CHKA: variants seen among roughly 807,000 people sequenced by gnomAD.
CHKA encodes the protein CHETK-alpha.
In CHKA, 34 loss-of-function variants were observed where a neutral mutation model predicts 60.1. That is an observed-to-expected ratio of 0.57 (90% confidence interval 0.43 to 0.75). The LOEUF (loss-of-function observed/expected upper bound fraction) is 0.75, where lower values mean the gene tolerates loss of function less well. CHKA is among the 30% of genes least tolerant of loss of function. The pLI, the probability that CHKA is intolerant of heterozygous loss-of-function variation, is 0.00. For synonymous variants in CHKA, 217 were observed against 223.1 expected, an observed-to-expected ratio of 0.97 and a Z score of 0.24; for missense variants, 563 against 561.3, an observed-to-expected ratio of 1.00 and a Z score of -0.03.
intron 1 of CHKA, among the ~76,000 whole-genome samples, chr11:68,118,878 T>C (rs1213483216): frequency 6.6e-6 from 1 of 152,224 alleles, no homozygotes; most frequent in African/African-American, 2.4e-5. Flanking sequence ...GAGAAAGCCA[T>C]GAAAATATCT....
intron 1 of CHKA, among the ~76,000 whole-genome samples, chr11:68,117,081 CA>C (rs1858415656): frequency 6.6e-6 from 1 of 152,136 alleles, no homozygotes; most frequent in Non-Finnish European, 1.5e-5. Context: ...AATGAATAAA[CA>C]CACACACAAA....
At chr11:68,085,944 T>C (rs974503634) in intron 2 of CHKA, among the ~76,000 whole-genome samples, 29 of 152,276 alleles carry the variant, frequency 1.9e-4, no homozygotes, top group African/African-American at 6.5e-4. Context: ...GGCTTTGTAT[T>C]TTAAATGAGA....
At chr11:68,104,345 G>C (rs1288043671) in intron 1 of CHKA, among the ~76,000 whole-genome samples, 1 of 152,000 alleles carries the variant, frequency 6.6e-6, no homozygotes, top group Non-Finnish European at 1.5e-5. Flanking sequence ...GACAGGGAGA[G>C]GTTGGCCAAC....
At chr11:68,091,432 T>C (rs1041505334) in intron 2 of CHKA, among the ~76,000 whole-genome samples, 18 of 152,240 alleles carry the variant, frequency 1.2e-4, no homozygotes, top group Non-Finnish European at 1.5e-4. Context: ...GTGTGTCTTA[T>C]CTTGTTCATA....
intron 1 of CHKA, among the ~76,000 whole-genome samples, chr11:68,106,517 C>T (rs976208171): frequency 6.6e-6 from 1 of 151,216 alleles, no homozygotes; most frequent in Non-Finnish European, 1.5e-5. Flanking sequence ...CACGTCACTG[C>T]ACTCCAGCCT....
chr11:68,098,239 C>A (rs905867623), intron 1 of CHKA, among the ~76,000 whole-genome samples: 8 of 145,400 alleles, frequency 5.5e-5, no homozygotes, highest in South Asian at 4.3e-4. Context: ...CCACTGTACT[C>A]CAGCCTGGGC....
chr11:68,062,998 C>T (rs1590835041), intron 10 of CHKA, among the ~76,000 whole-genome samples: 1 of 152,132 alleles, frequency 6.6e-6, no homozygotes, highest in African/African-American at 2.4e-5. Flanking sequence ...TAGGAACAAC[C>T]CACAGGCCTC....
chr11:68,093,109 G>C (rs1306856957), intron 2 of CHKA, among the ~76,000 whole-genome samples: 4 of 150,128 alleles, frequency 2.7e-5, no homozygotes, highest in African/African-American at 7.3e-5. Flanking sequence ...CTGGGCTTAA[G>C]AGATCTTCTC....
At chr11:68,111,085 C>G (rs550471551) in intron 1 of CHKA, among the ~76,000 whole-genome samples, 1 of 151,644 alleles carries the variant, frequency 6.6e-6, no homozygotes, top group Non-Finnish European at 1.5e-5. Context: ...GTCAGAGGAC[C>G]GACAATACTC....
At chr11:68,074,902 C>G in intron 3 of CHKA, 72 bp from the exon 4 acceptor site, 2 of 1,374,334 alleles carry the variant, frequency 1.5e-6, no homozygotes, top group Non-Finnish European at 2.1e-6. Flanking sequence ...AGCACTCTCA[C>G]AGGAGTGTTT....
intron 2 of CHKA, among the ~76,000 whole-genome samples, chr11:68,088,536 G>A (rs1203234340): frequency 6.6e-6 from 1 of 152,002 alleles, no homozygotes; most frequent in Non-Finnish European, 1.5e-5. Context: ...CAGGAGAGGT[G>A]GGGCAGGAAA....
chr11:68,088,714 A>G (rs200949487), intron 2 of CHKA, among the ~76,000 whole-genome samples: 3 of 148,200 alleles, frequency 2.0e-5, no homozygotes, highest in Non-Finnish European at 4.5e-5. Flanking sequence ...ATGAAAAAAA[A>G]TGAAATCATC....
intron 1 of CHKA, among the ~76,000 whole-genome samples, chr11:68,107,080 C>T (rs575615663): frequency 1.3e-5 from 2 of 152,184 alleles, no homozygotes; most frequent in South Asian, 2.1e-4. Context: ...GGTGAAACCC[C>T]GTCTCTACTA....
chr11:68,114,192 T>C (rs1282317739), intron 1 of CHKA, among the ~76,000 whole-genome samples: 1 of 152,142 alleles, frequency 6.6e-6, no homozygotes, highest in Non-Finnish European at 1.5e-5. Context: ...AACGTAACTC[T>C]CACCATATGA....
chr11:68,091,765 T>C (rs1247747628), intron 2 of CHKA, among the ~76,000 whole-genome samples: 1 of 152,178 alleles, frequency 6.6e-6, no homozygotes, highest in Non-Finnish European at 1.5e-5. Flanking sequence ...AATGAGAAAG[T>C]TGAGAATCAT....
In CHKA at chr11:68,066,493, G is replaced by C. The variant is rs1049066025; in HGVS notation, c.952C>G (p.Arg318Gly). The C allele has an allele frequency of 6.2e-7, 1 of 1,613,912 alleles. No homozygotes were observed. The highest frequency in any genetic ancestry group is 2.2e-5 in the East Asian group (1 of 44,876). ...AGTTTCTGTTTTTCAGAATTCTCTC[G>C]GCCTTCCAGCAACAAGATATTACCT... is the stretch of plus-strand genomic sequence containing the variant. The part of the protein sequence containing the change: ...QEGNILLLEG[R>G]ENSEKQKLML... Residue 318 changes from arginine (R) to glycine (G), a missense_variant, in exon 8 of 12, where the codon CGA becomes GGA. Arg to Gly is a moderately radical substitution (Grantham distance 125). Transcript: ENST00000265689.
intron 2 of CHKA, among the ~76,000 whole-genome samples, chr11:68,096,101 T>C (rs1325378383): frequency 3.3e-5 from 5 of 150,482 alleles, no homozygotes; most frequent in African/African-American, 1.2e-4. Flanking sequence ...CGGTGGCTCA[T>C]GCCTGTAATC....
At chr11:68,119,696 C>A (rs1026063710) in intron 1 of CHKA, among the ~76,000 whole-genome samples, 1 of 152,074 alleles carries the variant, frequency 6.6e-6, no homozygotes, top group African/African-American at 2.4e-5. Flanking sequence ...TCTCGATCTC[C>A]CGACCTCGTG....
intron 3 of CHKA, among the ~76,000 whole-genome samples, chr11:68,076,233 A>G (rs187996463): frequency 2.0e-5 from 3 of 152,288 alleles, no homozygotes; most frequent in Non-Finnish European, 2.9e-5. Context: ...TTTTGTGTAT[A>G]TGACAATAAA....
Sources: gnomAD v4.1 joint callset for allele counts (sites outside exome capture counted in the v4.1 genomes callset) on GRCh38, gnomAD v4.1.1 for gene constraint, MANE v1.5 for transcripts, NCBI Gene and HGNC (gene_info 2026-07-23, HGNC 2026-07-21) for gene names.